The following ABCA12 variants were observed in gnomAD, a reference collection of about 807,000 sequenced individuals.
The protein encoded by ABCA12 is ATP binding cassette subfamily A member 12.
In ABCA12, 156 loss-of-function variants were observed where a neutral mutation model predicts 293.5. The ratio of observed to expected loss-of-function variants is 0.53; its 90% CI spans 0.47 to 0.61. The LOEUF (loss-of-function observed/expected upper bound fraction) is 0.61. ABCA12 is among the 20% of genes least tolerant of loss of function. ABCA12 has a pLI of 0.00. For synonymous variants in ABCA12, 1,063 were observed against 1,108.0 expected (o/e 0.96, Z 0.81); for missense variants, 2,797 against 3,090.2 (o/e 0.91, Z 2.25).
intron 2 of ABCA12, among the ~76,000 whole-genome samples, chr2:215,070,690 T>C (rs564867167): frequency 3.3e-5 from 5 of 151,768 alleles, no homozygotes; most frequent in Middle Eastern, 3.4e-3. Flanking sequence ...AAATTGTTCA[T>C]CTTAACAGTT....
chr2:215,089,935 T>A (rs1043296769), intron 2 of ABCA12, among the ~76,000 whole-genome samples: 2 of 152,160 alleles, frequency 1.3e-5, no homozygotes, highest in African/African-American at 4.8e-5. Context: ...AGCAACATGA[T>A]ATGTGTCAGG....
intron 14 of ABCA12, 74 bp from the exon 15 acceptor site, chr2:215,015,737 T>C: frequency 2.1e-6 from 3 of 1,412,584 alleles, no homozygotes; most frequent in Non-Finnish European, 9.9e-7. Flanking sequence ...TGAGGTTTTC[T>C]GTATACTCTA....
chr2:214,950,714 AG>A (rs1267279735), intron 45 of ABCA12, among the ~76,000 whole-genome samples, 164 bp downstream of exon 45: 2 of 152,058 alleles, frequency 1.3e-5, no homozygotes, highest in Non-Finnish European at 2.9e-5. Flanking sequence ...CATGTTGGCC[AG>A]GCTGGTCTCA....
chr2:215,018,299 T>C (rs1459909783), intron 13 of ABCA12, among the ~76,000 whole-genome samples, 167 bp from the exon 14 acceptor site: 2 of 152,234 alleles, frequency 1.3e-5, no homozygotes, highest in East Asian at 3.8e-4. Flanking sequence ...TATTTCTATC[T>C]GATTTAGATT....
intron 2 of ABCA12, among the ~76,000 whole-genome samples, chr2:215,106,748 CA>C (rs34394993): frequency 0.046 from 4,644 of 101,480 alleles, 155 homozygotes; most frequent in African/African-American, 0.13. Flanking sequence ...GCTTTGGAGG[CA>C]AAAAAAAAAA....
chr2:215,084,728 G>A (rs184772231), intron 2 of ABCA12, among the ~76,000 whole-genome samples: 1 of 152,246 alleles, frequency 6.6e-6, no homozygotes, highest in East Asian at 1.9e-4. Flanking sequence ...TTACCTTACT[G>A]GCAAAGTTTT....
At chr2:215,126,041 T>C (rs1702913987) in intron 1 of ABCA12, among the ~76,000 whole-genome samples, 1 of 152,212 alleles carries the variant, frequency 6.6e-6, no homozygotes, top group Non-Finnish European at 1.5e-5. Flanking sequence ...TTTCTGCATC[T>C]ATTAAGATGA....
At chr2:215,110,454 G>T (rs1366082439) in intron 2 of ABCA12, among the ~76,000 whole-genome samples, 2 of 152,226 alleles carry the variant, frequency 1.3e-5, no homozygotes, top group Non-Finnish European at 2.9e-5. Flanking sequence ...GAGCTTGCTT[G>T]CAGTGAGCCG....
At chr2:214,991,407 G>A (rs1030206073) in intron 23 of ABCA12, among the ~76,000 whole-genome samples, 8 of 152,114 alleles carry the variant, frequency 5.3e-5, no homozygotes, top group Non-Finnish European at 4.4e-5. Context: ...GCAGGCATGA[G>A]CATTTCAAAC....
chr2:215,086,112 A>G (rs1267245396), intron 2 of ABCA12, among the ~76,000 whole-genome samples: 2 of 152,184 alleles, frequency 1.3e-5, no homozygotes, highest in Non-Finnish European at 2.9e-5. Context: ...TTGCGCACCA[A>G]CTATTGGAGT....
chr2:214,940,654 T>C (rs1180408698), intron 50 of ABCA12, among the ~76,000 whole-genome samples: 1 of 152,210 alleles, frequency 6.6e-6, no homozygotes, highest in Non-Finnish European at 1.5e-5. Flanking sequence ...GAACTTGTTA[T>C]TGGTCTATTG....
At position 215,138,522 on chromosome 2, in the gene ABCA12, CAA is replaced by C; in HGVS notation, c.-316_-315del. On this transcript the variant is annotated 5_prime_UTR_variant, in exon 1 of 53. It removes the in-frame stop codon of an upstream open reading frame in the 5' UTR. Coordinates refer to ENST00000272895, the MANE Select transcript of ABCA12 (RefSeq NM_173076.3). ...CTGCTTGTTGCACGAAGTCCAGACTCAAGAGAGAATGAGCATCATTCAGATAA... is the reference window on the plus strand; with the variant it reads ...CTGCTTGTTGCACGAAGTCCAGACTCGAGAGAATGAGCATCATTCAGATAA... 2 of 352,998 alleles carry C rather than the reference CAA, an allele frequency of 5.7e-6. No individual in the cohort carries two copies. Among genetic ancestry groups the C allele is most frequent in the South Asian group, 2.6e-5 (1 of 38,166 alleles). The allele number at this position is 352,998 out of a possible 1,614,324, so 21.9% of individuals were successfully genotyped here.
At chr2:215,065,333 C>A in intron 2 of ABCA12, among the ~76,000 whole-genome samples, 1 of 134,462 alleles carries the variant, frequency 7.4e-6, no homozygotes. Context: ...AAAAGAGTGC[C>A]CGTACAGGTC....
At chr2:215,111,273 T>C (rs376024958) in intron 2 of ABCA12, among the ~76,000 whole-genome samples, 3 of 152,234 alleles carry the variant, frequency 2.0e-5, no homozygotes, top group Admixed American at 1.3e-4. Flanking sequence ...AAGAATGATA[T>C]AGCAAGAGAT....
intron 20 of ABCA12, among the ~76,000 whole-genome samples, chr2:215,002,710 G>A (rs530216995): frequency 5.3e-5 from 8 of 152,092 alleles, no homozygotes; most frequent in East Asian, 1.9e-4. Context: ...GGCCTCCAGC[G>A]GCCACTGGAA....
In ABCA12 at chr2:214,975,980, ATCT is replaced by A. The variant is rs1159047920; in HGVS notation, c.5183_5185del (p.Lys1728del). ...GAACCTCTTGATGAGTATAGCCATG[ATCT>A]TCTTCAGCAACAGTCCAAAGCCATC... On this transcript the variant is annotated inframe_deletion, in exon 34 of 53. Transcript: ENST00000272895. 3.7e-6 allele frequency: 6 copies of A among 1,614,070 alleles called. No homozygotes were observed. The East Asian group carries it at 1.1e-4, about 30-fold the overall frequency.
At chr2:214,970,510 G>C in intron 36 of ABCA12, 110 bp from the exon 37 acceptor site, 1 of 1,255,000 alleles carries the variant, frequency 8.0e-7, no homozygotes, top group South Asian at 1.3e-5. Context: ...GCAACTGGTA[G>C]AGTGTGATAA....
rs367680019 is a variant in ABCA12 at position 214,983,783 on chromosome 2, C to T, written c.4246G>A (p.Val1416Ile). The change falls in exon 29 of 53, where the codon GTA (valine) becomes ATA (isoleucine). Residue 1416 changes from valine to isoleucine, a missense_variant. Around this residue, in one of 3 missense-constraint regions of ABCA12, gnomAD observed 2,130 missense variants for 2,427.0 expected, o/e 0.88. Coordinates refer to ENST00000272895, the MANE Select transcript of ABCA12 (RefSeq NM_173076.3). ...ATACAGACTCCCATGTTCTTCCGTA[C>T]CGTGTGTAGGTCTGTTTTGATATCT... Reference protein sequence around the residue: ...GKDIKTDLHTVRKNMGVCMQH... With the variant: ...GKDIKTDLHTIRKNMGVCMQH... 1 of 1,614,096 alleles carries T rather than the reference C, an allele frequency of 6.2e-7. No homozygotes were observed. The highest frequency in any genetic ancestry group is 8.5e-7 in the Non-Finnish European group (1 of 1,180,014).
chr2:214,932,574 G>A lies in ABCA12; in HGVS notation c.*60C>T. 8.0e-7 allele frequency: 1 copy of A among 1,244,204 alleles called. No homozygotes were observed. The highest frequency in any genetic ancestry group is 1.2e-6 in the Non-Finnish European group (1 of 847,426). 77.1% of individuals were successfully genotyped at this position (1,244,204 alleles called of 1,614,324 possible). A position where few individuals can be genotyped will look rare whatever the true frequency, so the allele number is the denominator to read the frequency against. On this transcript the variant is annotated 3_prime_UTR_variant, in exon 53 of 53. Coordinates refer to ENST00000272895, the MANE Select transcript of ABCA12 (RefSeq NM_173076.3). ...GATATCTTGCGGAAGTGTATCTTCT[G>A]TGGCTTTTCTTCAAAATGAAGCCAT...
Sources: allele counts gnomAD v4.1 joint callset (sites outside exome capture counted in the v4.1 genomes callset), GRCh38; gene constraint gnomAD v4.1.1; regional missense constraint gnomAD v4.1.1; transcripts MANE v1.5; gene names NCBI Gene and HGNC (gene_info 2026-07-23, HGNC 2026-07-21).